The following NUDT7 variants were observed in gnomAD, a reference collection of about 807,000 sequenced individuals.
NUDT7 encodes peroxisomal coenzyme A diphosphatase NUDT7.
NUDT7 carries 19 observed loss-of-function variants against 13.1 expected under a neutral mutation model. The observed-to-expected ratio is 1.45, with a 90% CI of 1.01 to 2.13. NUDT7 has a LOEUF of 2.13. Among genes scored for constraint, NUDT7 ranks in the 30% most tolerant of loss-of-function variants. The probability of loss-of-function intolerance (pLI) is 0.00; values close to 1 mark genes in which losing one functional copy is unlikely to be tolerated. For synonymous variants in NUDT7, 132 were observed against 109.7 expected (o/e 1.20, Z -1.27); for missense variants, 360 against 291.7 (o/e 1.23, Z -1.71).
chr16:77,735,708 C>T, intron 2 of NUDT7, 120 bp from the exon 3 acceptor site: 1 of 921,386 alleles, frequency 1.1e-6, no homozygotes, highest in Non-Finnish European at 1.7e-6. Context: ...GGTCTTGATA[C>T]CACCACCTGG....
intron 2 of NUDT7, among the ~76,000 whole-genome samples, chr16:77,733,926 T>A (rs186755755): frequency 6.6e-6 from 1 of 152,088 alleles, no homozygotes; most frequent in East Asian, 1.9e-4. Flanking sequence ...CAGTGGAGGG[T>A]TTGTGCCTCT....
chr16:77,725,885 A>G (rs1235717311), intron 2 of NUDT7, among the ~76,000 whole-genome samples: 1 of 152,214 alleles, frequency 6.6e-6, no homozygotes, highest in Non-Finnish European at 1.5e-5. Flanking sequence ...TGTCCTGTAT[A>G]ATGTGGTGTG....
intron 1 of NUDT7, among the ~76,000 whole-genome samples, chr16:77,722,937 C>G (rs556301614): frequency 1.3e-5 from 2 of 152,282 alleles, no homozygotes; most frequent in East Asian, 3.9e-4. Context: ...AGACCCGCAG[C>G]AGGCAGCCCC....
intron 2 of NUDT7, among the ~76,000 whole-genome samples, chr16:77,729,563 C>T (rs1045852270): frequency 2.6e-5 from 4 of 152,164 alleles, no homozygotes; most frequent in African/African-American, 9.7e-5. Context: ...GCATGGCTCA[C>T]ACCTGTAATC....
intron 1 of NUDT7, among the ~76,000 whole-genome samples, chr16:77,723,028 C>T (rs1042929918): frequency 3.3e-5 from 5 of 152,142 alleles, no homozygotes. Flanking sequence ...CTGGAGGTGA[C>T]CCTGTGATCA....
At chr16:77,740,015 A>C (rs1194575693) in intron 3 of NUDT7, among the ~76,000 whole-genome samples, 3 of 152,188 alleles carry the variant, frequency 2.0e-5, no homozygotes. Context: ...ACTTTCTTAA[A>C]AAATCACTTG....
Position 77,739,750 on chromosome 16 carries a change from A to T in NUDT7, c.349-1832A>T, listed in dbSNP as rs149715968. ...TGGCAGCTTTCTTCTGAATACTGGT[A>T]CCCTTGATACTGGAGCCACCTTGCC... On this transcript the variant is annotated intron_variant, in intron 3 of 3. Transcript: ENST00000268533. Among the ~76,000 whole-genome samples the T allele has an allele frequency of 1.3e-4, 20 of 152,200 alleles. No individual in the cohort carries two copies. The East Asian group carries it at 3.9e-3, about 29-fold the overall frequency.
chr16:77,741,105 T>C (rs2014645928), intron 3 of NUDT7, among the ~76,000 whole-genome samples: 1 of 152,232 alleles, frequency 6.6e-6, no homozygotes, highest in Non-Finnish European at 1.5e-5. Flanking sequence ...TCCCATTGTT[T>C]TTAAAGGCTA....
chr16:77,728,363 G>T (rs1173471796), intron 2 of NUDT7, among the ~76,000 whole-genome samples: 1 of 152,154 alleles, frequency 6.6e-6, no homozygotes, highest in African/African-American at 2.4e-5. Flanking sequence ...CTCCCAATTA[G>T]CTGGGATTAC....
At chr16:77,724,271 T>C (rs1488970232) in intron 1 of NUDT7, among the ~76,000 whole-genome samples, 3 of 152,122 alleles carry the variant, frequency 2.0e-5, no homozygotes, top group African/African-American at 7.2e-5. Context: ...TTTTATTTTA[T>C]TTTATTTTTG....
At chr16:77,728,311 C>G (rs2014206152) in intron 2 of NUDT7, among the ~76,000 whole-genome samples, 1 of 152,206 alleles carries the variant, frequency 6.6e-6, no homozygotes, top group Non-Finnish European at 1.5e-5. Flanking sequence ...CAGCTCACTG[C>G]AACCTCCGCC....
chr16:77,723,262 G>GA (rs1324994492), intron 1 of NUDT7, among the ~76,000 whole-genome samples: 24 of 152,136 alleles, frequency 1.6e-4, no homozygotes, highest in Admixed American at 1.6e-3. Context: ...TCCTTTTCTG[G>GA]AGGCTGGCCT....
At chr16:77,736,427 C>T (rs1270083825) in intron 3 of NUDT7, among the ~76,000 whole-genome samples, 2 of 152,156 alleles carry the variant, frequency 1.3e-5, no homozygotes, top group Non-Finnish European at 2.9e-5. Flanking sequence ...CATTTTTCTA[C>T]ATACTATAGA....
At chr16:77,738,623 A>G (rs964015164) in intron 3 of NUDT7, among the ~76,000 whole-genome samples, 3 of 151,992 alleles carry the variant, frequency 2.0e-5, no homozygotes, top group Non-Finnish European at 4.4e-5. Context: ...TTCTCAAGTG[A>G]TCTCGAGTCC....
intron 1 of NUDT7, among the ~76,000 whole-genome samples, chr16:77,725,001 T>C (rs1386474828): frequency 6.6e-6 from 1 of 152,198 alleles, no homozygotes; most frequent in Non-Finnish European, 1.5e-5. Context: ...TGCTAAAGCT[T>C]GGGAACCACT....
intron 1 of NUDT7, among the ~76,000 whole-genome samples, chr16:77,725,228 A>C (rs976889663): frequency 1.3e-5 from 2 of 152,208 alleles, no homozygotes; most frequent in African/African-American, 4.8e-5. Context: ...CTGTGTGCTT[A>C]GAAGGTTTTT....
At chr16:77,723,408 A>T (rs2014026912) in intron 1 of NUDT7, among the ~76,000 whole-genome samples, 1 of 152,114 alleles carries the variant, frequency 6.6e-6, no homozygotes, top group African/African-American at 2.4e-5. Context: ...GAGGCAAAAA[A>T]TAGCAAATAC....
intron 3 of NUDT7, chr16:77,736,663 G>C: frequency 3.6e-6 from 1 of 278,046 alleles, no homozygotes; most frequent in Non-Finnish European, 7.7e-6. Context: ...TGGGGGTCTC[G>C]CTATGTTGAT....
chr16:77,727,904 G>A (rs1485426741), intron 2 of NUDT7, among the ~76,000 whole-genome samples: 2 of 151,904 alleles, frequency 1.3e-5, no homozygotes, highest in East Asian at 1.9e-4. Flanking sequence ...AAAGAGAATT[G>A]TCTAACAAAC....
Sources: allele counts gnomAD v4.1 joint callset (sites outside exome capture counted in the v4.1 genomes callset), GRCh38; gene constraint gnomAD v4.1.1; transcripts MANE v1.5; gene names NCBI Gene and HGNC (gene_info 2026-07-23, HGNC 2026-07-21).